DIS3L2: variants seen among roughly 807,000 people sequenced by gnomAD.
DIS3L2 encodes the protein DIS3 like 3'-5' exoribonuclease 2.
DIS3L2 carries 34 observed loss-of-function variants against 97.5 expected under a neutral mutation model. The ratio of observed to expected loss-of-function variants is 0.35; its 90% CI spans 0.27 to 0.46. The LOEUF is 0.46. Ranked by LOEUF, DIS3L2 falls within the 20% of genes least tolerant of loss-of-function variation. The pLI is 1.00. For synonymous variants in DIS3L2, 435 were observed against 445.2 expected, an observed-to-expected ratio of 0.98 and a Z score of 0.29; for missense variants, 1,038 against 1,146.0, an observed-to-expected ratio of 0.91 and a Z score of 1.36.
chr2:232,053,215 A>C (rs779183024), intron 5 of DIS3L2, among the ~76,000 whole-genome samples: 4 of 152,246 alleles, frequency 2.6e-5, no homozygotes, highest in Non-Finnish European at 4.4e-5. Context: ...TACAACATCT[A>C]AACTTCATTT....
intron 1 of DIS3L2, among the ~76,000 whole-genome samples, chr2:231,988,623 C>G (rs1001552280): frequency 6.6e-6 from 1 of 152,164 alleles, no homozygotes; most frequent in Non-Finnish European, 1.5e-5. Flanking sequence ...TTCTCCAAGA[C>G]ATGACGTGGA....
At chr2:232,204,107 C>A (rs1691966533) in intron 9 of DIS3L2, among the ~76,000 whole-genome samples, 1 of 152,122 alleles carries the variant, frequency 6.6e-6, no homozygotes, top group Non-Finnish European at 1.5e-5. Context: ...CTGGCAGCAT[C>A]TGCGACCTTG....
At chr2:232,045,874 C>T (rs1237212660) in intron 5 of DIS3L2, among the ~76,000 whole-genome samples, 1 of 151,910 alleles carries the variant, frequency 6.6e-6, no homozygotes, top group African/African-American at 2.4e-5. Flanking sequence ...GGGGTTTCAC[C>T]ATGTTGACCA....
intron 8 of DIS3L2, among the ~76,000 whole-genome samples, chr2:232,141,857 CA>C (rs1690055131): frequency 6.6e-6 from 1 of 152,064 alleles, no homozygotes; most frequent in South Asian, 2.1e-4. Context: ...CAGTTTCTTA[CA>C]GGGTAGATAG....
At chr2:232,119,400 C>A (rs57028114) in intron 6 of DIS3L2, among the ~76,000 whole-genome samples, 1 of 152,088 alleles carries the variant, frequency 6.6e-6, no homozygotes, top group Non-Finnish European at 1.5e-5. Flanking sequence ...CACAGGAAGA[C>A]GTGAAGCTTG....
intron 10 of DIS3L2, among the ~76,000 whole-genome samples, chr2:232,217,676 T>C (rs1160999020): frequency 6.6e-6 from 1 of 152,192 alleles, no homozygotes; most frequent in Non-Finnish European, 1.5e-5. Flanking sequence ...TTTAGTGGTT[T>C]ATTATAAAAG....
chr2:232,143,248 T>C (rs909825589), intron 8 of DIS3L2, among the ~76,000 whole-genome samples: 1 of 152,166 alleles, frequency 6.6e-6, no homozygotes, highest in Non-Finnish European at 1.5e-5. Flanking sequence ...CTGATGCTTA[T>C]TTATATAGAA....
chr2:232,168,481 G>A (rs1690889751), intron 9 of DIS3L2, among the ~76,000 whole-genome samples: 1 of 141,238 alleles, frequency 7.1e-6, no homozygotes, highest in South Asian at 2.4e-4. Context: ...TATGGACTTT[G>A]CAGTAATCTT....
chr2:232,163,732 G>A, intron 9 of DIS3L2, 100 bp downstream of exon 9: 1 of 1,361,784 alleles, frequency 7.3e-7, no homozygotes, highest in Non-Finnish European at 9.8e-7. Flanking sequence ...GAACATTCAA[G>A]TTCAGTTCAG....
intron 4 of DIS3L2, among the ~76,000 whole-genome samples, chr2:232,025,116 A>G (rs1437981853): frequency 1.3e-5 from 2 of 152,214 alleles, no homozygotes; most frequent in Non-Finnish European, 2.9e-5. Context: ...ATTATTTTAA[A>G]TGACAGTAAG....
intron 6 of DIS3L2, among the ~76,000 whole-genome samples, chr2:232,113,307 A>T (rs1697594638): frequency 6.6e-6 from 1 of 152,218 alleles, no homozygotes; most frequent in East Asian, 1.9e-4. Context: ...TCAAATCTTT[A>T]CTTTTAAAAC....
chr2:232,315,641 T>G (rs926122334), intron 14 of DIS3L2, among the ~76,000 whole-genome samples: 8 of 152,182 alleles, frequency 5.3e-5, no homozygotes, highest in African/African-American at 1.7e-4. Flanking sequence ...AGGCTATCAA[T>G]GGCTATAAAT....
chr2:232,238,748 G>A (rs1693002449), intron 11 of DIS3L2, 103 bp downstream of exon 11: 1 of 1,057,756 alleles, frequency 9.5e-7, no homozygotes, highest in African/African-American at 1.6e-5. Flanking sequence ...GGAAAGAGAA[G>A]CCAAAGGAAG....
chr2:232,069,293 C>T (rs1695943647), intron 5 of DIS3L2, among the ~76,000 whole-genome samples: 2 of 152,278 alleles, frequency 1.3e-5, no homozygotes, highest in African/African-American at 4.8e-5. Context: ...TGTTATATCT[C>T]TGCTTTGATT....
chr2:232,212,694 T>C (rs1418902023), intron 10 of DIS3L2, among the ~76,000 whole-genome samples: 7 of 152,150 alleles, frequency 4.6e-5, no homozygotes, highest in Admixed American at 4.6e-4. Context: ...GAAAATAATT[T>C]AGCATTGCAA....
At chr2:232,144,933 G>A (rs1424750838) in intron 8 of DIS3L2, among the ~76,000 whole-genome samples, 2 of 152,158 alleles carry the variant, frequency 1.3e-5, no homozygotes, top group African/African-American at 4.8e-5. Flanking sequence ...TCTTATCGGG[G>A]GCACATAATG....
In DIS3L2 at chr2:232,086,266, C is replaced by T. The variant is rs372837621; in HGVS notation, c.367-1221C>T. On this transcript the variant is annotated intron_variant, in intron 5 of 20. Transcript: ENST00000325385. ...ATATACACACGTATAGACGTGTATA[C>T]GTGTATATACATATACGTATATATG... Among the ~76,000 whole-genome samples, 8 of 148,706 alleles carry T rather than the reference C, an allele frequency of 5.4e-5. No homozygotes were observed. The South Asian group carries it at 8.5e-4, about 16-fold the overall frequency.
At chr2:232,116,773 A>G (rs1287702005) in intron 6 of DIS3L2, among the ~76,000 whole-genome samples, 11 of 152,180 alleles carry the variant, frequency 7.2e-5, no homozygotes, top group African/African-American at 2.7e-4. Context: ...AACATTTTAC[A>G]ATTGAAAACT....
intron 13 of DIS3L2, among the ~76,000 whole-genome samples, chr2:232,284,472 TTCCCAATTTTAC>T (rs1456146632): frequency 2.0e-5 from 3 of 152,250 alleles, no homozygotes; most frequent in Non-Finnish European, 4.4e-5. Context: ...ATTTTATCTT[TTCCCAATTTTAC>T]TCCCAACTTT....
Sources: gnomAD v4.1 joint callset for allele counts (sites outside exome capture counted in the v4.1 genomes callset) on GRCh38, gnomAD v4.1.1 for gene constraint, MANE v1.5 for transcripts, NCBI Gene and HGNC (gene_info 2026-07-23, HGNC 2026-07-21) for gene names.